The following CLSTN2 variants were observed in gnomAD, a reference collection of about 807,000 sequenced individuals.
CLSTN2 encodes the protein calsyntenin 2, also known as calsyntenin-2.
Under a neutral mutation model 101.2 loss-of-function variants are expected in CLSTN2, and 48 were observed. The ratio of observed to expected loss-of-function variants is 0.47; its 90% CI spans 0.38 to 0.60. The LOEUF is 0.60. CLSTN2 is among the 20% of genes least tolerant of loss of function. The pLI is 0.00. For missense variants in CLSTN2, 1,160 were observed against 1,238.2 expected (o/e 0.94, Z 0.95); for synonymous variants, 481 against 463.6 (o/e 1.04, Z -0.48).
chr3:140,310,568 C>T (rs1198216040), intron 2 of CLSTN2, among the ~76,000 whole-genome samples: 3 of 152,146 alleles, frequency 2.0e-5, no homozygotes, highest in African/African-American at 7.2e-5. Context: ...GTGCCCTCCA[C>T]TCGCCTCAGT....
At chr3:140,045,728 C>T (rs539831703) in intron 1 of CLSTN2, among the ~76,000 whole-genome samples, 3 of 152,256 alleles carry the variant, frequency 2.0e-5, no homozygotes, top group African/African-American at 7.2e-5. Flanking sequence ...TCTTTGTTCT[C>T]ATTGGTTTCA....
intron 2 of CLSTN2, among the ~76,000 whole-genome samples, chr3:140,345,974 C>T (rs2087542884): frequency 6.6e-6 from 1 of 152,202 alleles, no homozygotes; most frequent in South Asian, 2.1e-4. Flanking sequence ...CCCATCGTCT[C>T]AGCTTACTGC....
At chr3:140,106,426 G>A (rs1041842635) in intron 1 of CLSTN2, among the ~76,000 whole-genome samples, 1 of 152,190 alleles carries the variant, frequency 6.6e-6, no homozygotes, top group Non-Finnish European at 1.5e-5. Context: ...GATGTCCACT[G>A]CCTCTGTCTT....
chr3:140,482,320 C>G (rs1342032047), intron 8 of CLSTN2, among the ~76,000 whole-genome samples: 2 of 152,138 alleles, frequency 1.3e-5, no homozygotes, highest in Non-Finnish European at 2.9e-5. Context: ...GGTGGATAAG[C>G]TTTTTGATGT....
chr3:140,080,739 G>A lies in CLSTN2; in HGVS notation c.110-95212G>A, dbSNP rs893540028. Among the ~76,000 whole-genome samples the A allele has an allele frequency of 1.1e-4, 17 of 152,112 alleles. No homozygotes were observed. In the South Asian group the frequency reaches 1.2e-3, roughly 11 times the overall value. Reference sequence around the variant, plus strand: ...TCAATGAGGACTCCAGGAAACCACCGCCCCAAACACCCTCCAATCAGTCCC... The same window carrying A: ...TCAATGAGGACTCCAGGAAACCACCACCCCAAACACCCTCCAATCAGTCCC... On this transcript the variant is annotated intron_variant, in intron 1 of 16. Transcript: ENST00000458420.
At chr3:140,378,016 G>A (rs148860839) in intron 2 of CLSTN2, among the ~76,000 whole-genome samples, 19 of 152,248 alleles carry the variant, frequency 1.2e-4, no homozygotes, top group South Asian at 2.1e-4. Flanking sequence ...AGATACACAC[G>A]TAGTTACTAT....
At chr3:140,205,243 A>G (rs2010765620) in intron 2 of CLSTN2, among the ~76,000 whole-genome samples, 1 of 152,188 alleles carries the variant, frequency 6.6e-6, no homozygotes, top group East Asian at 1.9e-4. Context: ...CTTTATCATT[A>G]TACCTACGTG....
chr3:140,117,830 C>T (rs1457639241), intron 1 of CLSTN2, among the ~76,000 whole-genome samples: 1 of 152,180 alleles, frequency 6.6e-6, no homozygotes, highest in Non-Finnish European at 1.5e-5. Context: ...TCAGGGCAGG[C>T]AGGCCTGAGA....
chr3:139,995,614 C>G (rs727891), intron 1 of CLSTN2, among the ~76,000 whole-genome samples: 84,088 of 152,084 alleles, frequency 0.55, 25,459 homozygotes, highest in Non-Finnish European at 0.67. Flanking sequence ...AGGTGACTAT[C>G]TGGAGAGCTG....
chr3:140,010,403 C>T (rs2007048228), intron 1 of CLSTN2, among the ~76,000 whole-genome samples: 1 of 152,166 alleles, frequency 6.6e-6, no homozygotes, highest in Non-Finnish European at 1.5e-5. Flanking sequence ...TCCATGTTCC[C>T]AGAAATTCGT....
intron 4 of CLSTN2, among the ~76,000 whole-genome samples, chr3:140,411,052 A>T (rs756167436): frequency 6.6e-6 from 1 of 152,226 alleles, no homozygotes; most frequent in Non-Finnish European, 1.5e-5. Context: ...CAACCAGCAA[A>T]GGTTGACAAA....
chr3:140,167,494 G>T (rs978520461), intron 1 of CLSTN2, among the ~76,000 whole-genome samples: 1 of 152,108 alleles, frequency 6.6e-6, no homozygotes, highest in Non-Finnish European at 1.5e-5. Context: ...TACCTCTCTA[G>T]TCTGGGAGTC....
intron 2 of CLSTN2, among the ~76,000 whole-genome samples, chr3:140,312,875 CATTT>C (rs2087184528): frequency 6.6e-6 from 1 of 152,238 alleles, no homozygotes; most frequent in Non-Finnish European, 1.5e-5. Flanking sequence ...AAAGGGTTGA[CATTT>C]TCAGCAATTG....
intron 1 of CLSTN2, among the ~76,000 whole-genome samples, chr3:139,948,710 C>T (rs897776175): frequency 1.3e-5 from 2 of 152,168 alleles, no homozygotes; most frequent in Non-Finnish European, 2.9e-5. Flanking sequence ...ACTGATCTCT[C>T]TTTCATCCAG....
At chr3:140,135,140 A>ATATATATATATATATG in intron 1 of CLSTN2, among the ~76,000 whole-genome samples, 1 of 126,136 alleles carries the variant, frequency 7.9e-6, no homozygotes, top group Non-Finnish European at 1.6e-5. Flanking sequence ...ATATATATAT[A>ATATATATATATATATG]TATATATATA....
chr3:140,502,940 G>A (rs1352322402), intron 8 of CLSTN2, among the ~76,000 whole-genome samples: 1 of 152,156 alleles, frequency 6.6e-6, no homozygotes, highest in East Asian at 1.9e-4. Flanking sequence ...GGGTCTCCGG[G>A]GCTAAAATCA....
intron 10 of CLSTN2, among the ~76,000 whole-genome samples, chr3:140,551,591 G>A (rs1048963563): frequency 6.6e-6 from 1 of 152,110 alleles, no homozygotes; most frequent in Non-Finnish European, 1.5e-5. Context: ...AAGGTGGAAG[G>A]TGCCAGAGAC....
chr3:140,415,486 C>CAAAAAAGAAAA (rs2088419119), intron 4 of CLSTN2, among the ~76,000 whole-genome samples: 1 of 56,868 alleles, frequency 1.8e-5, no homozygotes, highest in Non-Finnish European at 3.0e-5. Flanking sequence ...CACAAAATAG[C>CAAAAAAGAAAA]AAAAAAAAAA....
At chr3:140,091,150 G>A (rs1161129867) in intron 1 of CLSTN2, among the ~76,000 whole-genome samples, 1 of 152,130 alleles carries the variant, frequency 6.6e-6, no homozygotes, top group East Asian at 1.9e-4. Context: ...CTGCTGTAAG[G>A]ATTGTTGTGC....
Sources: gnomAD v4.1 joint callset for allele counts (sites outside exome capture counted in the v4.1 genomes callset) on GRCh38, gnomAD v4.1.1 for gene constraint, MANE v1.5 for transcripts, NCBI Gene and HGNC (gene_info 2026-07-23, HGNC 2026-07-21) for gene names.